Variants in SLCO1B3 observed in about 807,000 individuals in gnomAD.
SLCO1B3 encodes solute carrier organic anion transporter family member 1B3.
Under a neutral mutation model 71.8 loss-of-function variants are expected in SLCO1B3, and 72 were observed. That is an observed-to-expected ratio of 1.00 (90% CI 0.83 to 1.22). The LOEUF is 1.22. Ranked by LOEUF, SLCO1B3 falls within the 50% of genes most tolerant of loss-of-function variation. The pLI, the probability that SLCO1B3 is intolerant of heterozygous loss-of-function variation, is 0.00. For synonymous variants in SLCO1B3, 298 were observed against 278.4 expected (o/e 1.07, Z -0.70); for missense variants, 911 against 819.7 (o/e 1.11, Z -1.36).
chr12:20,915,996 T>C lies in SLCO1B3; in HGVS notation c.1866-8T>C. On this transcript the variant is annotated splice_polypyrimidine_tract_variant and splice_region_variant and intron_variant, in intron 15 of 15. Coordinates refer to ENST00000381545, the MANE Select transcript of SLCO1B3 (RefSeq NM_019844.4). Reference sequence around the variant, plus strand: ...TAATAATCGACTCTCTATTTTCTCTTTTCACAGAAGGGTCTACTTGGGCTT... The same window carrying C: ...TAATAATCGACTCTCTATTTTCTCTCTTCACAGAAGGGTCTACTTGGGCTT... 1.3e-6 allele frequency: 2 copies of C among 1,575,218 alleles called. No individual in the cohort carries two copies.
In SLCO1B3 at chr12:20,823,928, C is replaced by T. The variant is rs536832204; in HGVS notation, c.84+8106C>T. On this transcript the variant is annotated intron_variant, in intron 3 of 15. Coordinates refer to ENST00000381545, the MANE Select transcript of SLCO1B3 (RefSeq NM_019844.4). Reference sequence around the variant, plus strand: ...GTCAGCCTCCTTTTCTCAAGGCAATCGGAAAATGTCATTCCAGTCAAGGAC... The same window carrying T: ...GTCAGCCTCCTTTTCTCAAGGCAATTGGAAAATGTCATTCCAGTCAAGGAC... Among the ~76,000 whole-genome samples, 7 of 152,234 alleles carry T rather than the reference C, an allele frequency of 4.6e-5. No homozygotes were observed. The South Asian group carries it at 6.2e-4, about 14-fold the overall frequency.
chr12:20,900,070 C>T (rs555039142), intron 14 of SLCO1B3, among the ~76,000 whole-genome samples: 1 of 152,236 alleles, frequency 6.6e-6, no homozygotes, highest in African/African-American at 2.4e-5. Context: ...TACTTCACAA[C>T]GTTTGTTTAA....
chr12:20,860,599 T>TG (rs1555156228), intron 5 of SLCO1B3, among the ~76,000 whole-genome samples: 8,282 of 146,646 alleles, frequency 0.056, 303 homozygotes, highest in African/African-American at 0.087. Context: ...GTCAAGCACT[T>TG]TGTGTGTGTG....
intron 12 of SLCO1B3, among the ~76,000 whole-genome samples, chr12:20,882,390 C>T (rs1050741240): frequency 3.3e-5 from 5 of 152,086 alleles, no homozygotes; most frequent in South Asian, 2.1e-4. Flanking sequence ...TTGAACCATA[C>T]GAGTATGGAT....
chr12:20,852,630 A>C (rs1394622336), intron 3 of SLCO1B3, among the ~76,000 whole-genome samples: 1 of 152,176 alleles, frequency 6.6e-6, no homozygotes, highest in East Asian at 1.9e-4. Context: ...GTAATATTTA[A>C]TAGGTTTCAG....
At chr12:20,892,070 T>C (rs1326269963) in intron 13 of SLCO1B3, among the ~76,000 whole-genome samples, 1 of 152,102 alleles carries the variant, frequency 6.6e-6, no homozygotes, top group African/African-American at 2.4e-5. Flanking sequence ...AAGATTTCAT[T>C]TTGGTTTGGA....
chr12:20,879,035 A>G (rs1353000101), intron 10 of SLCO1B3, among the ~76,000 whole-genome samples: 1 of 152,084 alleles, frequency 6.6e-6, no homozygotes, highest in Non-Finnish European at 1.5e-5. Context: ...TTGCCAGAAA[A>G]AAAGAAAGCT....
intron 5 of SLCO1B3, among the ~76,000 whole-genome samples, chr12:20,859,819 C>T (rs934029340): frequency 6.6e-5 from 10 of 152,112 alleles, no homozygotes; most frequent in African/African-American, 2.4e-4. Flanking sequence ...TCTGTTATTT[C>T]TACAGACTTG....
chr12:20,842,465 T>C (rs1049435042), intron 3 of SLCO1B3, among the ~76,000 whole-genome samples: 4 of 151,710 alleles, frequency 2.6e-5, no homozygotes, highest in Non-Finnish European at 5.9e-5. Flanking sequence ...ATGATGTTTA[T>C]GTAAATCTAT....
chr12:20,877,810 C>T lies in SLCO1B3; in HGVS notation c.1009C>T (p.Leu337=). The T allele has an allele frequency of 6.4e-7, 1 of 1,554,938 alleles. No homozygotes were observed. The highest frequency in any genetic ancestry group is 8.7e-7 in the Non-Finnish European group (1 of 1,151,000). ...QSLKSILTNP[L]YVIFLLLTLL... The stretch of plus-strand genomic sequence containing the variant: ...TTTGAAAAGCATCCTTACCAATCCC[C>T]TGTATGTTATATTTCTGCTTTTGAC... Residue 337 remains leucine (L), a synonymous_variant, in exon 10 of 16, where the codon CTG becomes TTG. Coordinates refer to ENST00000381545, the MANE Select transcript of SLCO1B3 (RefSeq NM_019844.4).
chr12:20,850,939 C>CCTTTT (rs747269448), intron 3 of SLCO1B3, among the ~76,000 whole-genome samples: 30 of 152,278 alleles, frequency 2.0e-4, no homozygotes, highest in Non-Finnish European at 4.1e-4. Flanking sequence ...ATAAGTGTTC[C>CCTTTT]CTTTTCTTCA....
At chr12:20,852,403 C>T (rs899491689) in intron 3 of SLCO1B3, among the ~76,000 whole-genome samples, 14 of 152,026 alleles carry the variant, frequency 9.2e-5, no homozygotes, top group Non-Finnish European at 1.8e-4. Context: ...TGATAGAGCC[C>T]AAGAGGTTGG....
intron 8 of SLCO1B3, among the ~76,000 whole-genome samples, chr12:20,869,157 C>T (rs1288431515): frequency 3.3e-5 from 5 of 152,134 alleles, no homozygotes; most frequent in African/African-American, 7.2e-5. Context: ...GACTCCCTTT[C>T]CCGGTCTGCT....
intron 4 of SLCO1B3, among the ~76,000 whole-genome samples, chr12:20,855,373 A>G (rs936486817): frequency 3.9e-5 from 6 of 152,186 alleles, no homozygotes; most frequent in African/African-American, 1.2e-4. Flanking sequence ...GAGGTCAGGT[A>G]TGCTGCTAAA....
chr12:20,816,824 A>C (rs1460045566), intron 3 of SLCO1B3, among the ~76,000 whole-genome samples: 2 of 152,150 alleles, frequency 1.3e-5, no homozygotes, highest in Non-Finnish European at 2.9e-5. Context: ...AACAGTGTAC[A>C]AGGAATTCCT....
intron 3 of SLCO1B3, among the ~76,000 whole-genome samples, chr12:20,849,424 G>T (rs1046818606): frequency 2.0e-5 from 3 of 151,978 alleles, no homozygotes; most frequent in Non-Finnish European, 2.9e-5. Flanking sequence ...GGGCATTTAT[G>T]AAAAATCTTC....
chr12:20,813,683 T>C (rs1864144142), intron 2 of SLCO1B3, 45 bp downstream of exon 2: 1 of 152,326 alleles, frequency 6.6e-6, no homozygotes, highest in African/African-American at 2.4e-5. Context: ...TGGCCACTAA[T>C]TCAATGTTAA....
At chr12:20,845,598 G>T (rs539326731) in intron 3 of SLCO1B3, among the ~76,000 whole-genome samples, 117 of 147,084 alleles carry the variant, frequency 8.0e-4, no homozygotes, top group African/African-American at 2.7e-3. Flanking sequence ...ATGTTTGGAG[G>T]TGCCTGAATA....
chr12:20,885,764 T>TACAATG (rs1334408535), intron 13 of SLCO1B3, among the ~76,000 whole-genome samples: 1 of 151,872 alleles, frequency 6.6e-6, no homozygotes, highest in African/African-American at 2.4e-5. Context: ...AGGTACGAAG[T>TACAATG]ACAATGACAG....
Sources: allele counts gnomAD v4.1 joint callset (sites outside exome capture counted in the v4.1 genomes callset), GRCh38; gene constraint gnomAD v4.1.1; transcripts MANE v1.5; gene names NCBI Gene and HGNC (gene_info 2026-07-23, HGNC 2026-07-21).